Variants in FSTL4 observed in about 807,000 individuals in gnomAD.
FSTL4 encodes the protein follistatin like 4.
Under a neutral mutation model 78.2 loss-of-function variants are expected in FSTL4, and 28 were observed. The ratio of observed to expected loss-of-function variants is 0.36; its 90% CI spans 0.27 to 0.49. The LOEUF is 0.49. FSTL4 is among the 20% of genes least tolerant of loss of function. The pLI is 0.98. For missense variants in FSTL4, 922 were observed against 1,084.9 expected (o/e 0.85, Z 2.11); for synonymous variants, 422 against 440.5 (o/e 0.96, Z 0.53).
At position 133,426,284 on chromosome 5, in the gene FSTL4, G is replaced by A. The variant is rs1027336049; in HGVS notation, c.161-25298C>T. Among the ~76,000 whole-genome samples, 7 of 152,148 alleles carry A rather than the reference G, an allele frequency of 4.6e-5. No individual in the cohort carries two copies. Among genetic ancestry groups the A allele is most frequent in the East Asian group, 1.9e-4 (1 of 5,186 alleles). On this transcript the variant is annotated intron_variant, in intron 3 of 15. Coordinates refer to ENST00000265342, the MANE Select transcript of FSTL4 (RefSeq NM_015082.2). The surrounding 1 kb of genome is among the most constrained non-coding windows in gnomAD (Gnocchi z 5.0). ...AGGACACAGGGAGCAAAGGATAGCCGGGAGTCTGGGGAGGTGAGAGGGGGA... is the reference window on the plus strand; with the variant it reads ...AGGACACAGGGAGCAAAGGATAGCCAGGAGTCTGGGGAGGTGAGAGGGGGA...
the FSTL4 span, among the ~76,000 whole-genome samples, chr5:133,832,990 T>TA: frequency 2.0e-5 from 3 of 151,990 alleles, no homozygotes; most frequent in African/African-American, 4.8e-5. Context: ...TTTGAATGTT[T>TA]AAAAAAAACC....
At chr5:133,784,944 T>C in the FSTL4 span, among the ~76,000 whole-genome samples, 1 of 152,156 alleles carries the variant, frequency 6.6e-6, no homozygotes, top group Non-Finnish European at 1.5e-5. Context: ...CATCATCTAC[T>C]GAGTTATGGG....
At chr5:133,663,017 A>G in the FSTL4 span, among the ~76,000 whole-genome samples, 55,839 of 151,940 alleles carry the variant, frequency 0.37, 12,089 homozygotes, top group African/African-American at 0.6. Flanking sequence ...CAATTCCAAC[A>G]CTCTAGCATC....
rs552279262 is a variant in FSTL4 at position 133,384,208 on chromosome 5, T to C, written c.409+16530A>G. On this transcript the variant is annotated intron_variant, in intron 4 of 15. Transcript: ENST00000265342. ...AAAGGAAGGTGCAATGACCCTAGAG[T>C]GCAACACTCCATCCATCTATAGTCC... 1.7e-3 allele frequency among the ~76,000 whole-genome samples: 258 copies of C among 152,008 alleles called. 1 individual carries two copies. The highest frequency in any genetic ancestry group is 0.01 in the Middle Eastern group (3 of 294).
chr5:133,429,798 A>G (rs1319181985), intron 3 of FSTL4, among the ~76,000 whole-genome samples: 1 of 152,184 alleles, frequency 6.6e-6, no homozygotes, highest in Non-Finnish European at 1.5e-5. Flanking sequence ...TGAGGCCACC[A>G]TCCCTCAGTG....
the FSTL4 span, among the ~76,000 whole-genome samples, chr5:133,826,602 T>C: frequency 2.6e-5 from 4 of 152,212 alleles, no homozygotes; most frequent in African/African-American, 9.7e-5. Flanking sequence ...AAATCCCCCG[T>C]TGGCCTTTCT....
the FSTL4 span, among the ~76,000 whole-genome samples, chr5:133,755,395 C>T: frequency 6.6e-6 from 1 of 152,168 alleles, no homozygotes; most frequent in East Asian, 1.9e-4. Context: ...GCCCCTCCAC[C>T]TGCTATAGAC....
rs1307141701 is a variant in FSTL4 at position 133,198,531 on chromosome 5, C to T, written c.*564G>A. On this transcript the variant is annotated 3_prime_UTR_variant, in exon 16 of 16. Transcript: ENST00000265342. The stretch of plus-strand genomic sequence containing the variant: ...ATAAAGTGAGTGATTTCCCCATCCC[C>T]CAAGATGCAGTAAGTCTTGTTGGCT... The T allele has an allele frequency of 6.5e-6, 1 of 152,672 alleles. No homozygotes were observed. Among genetic ancestry groups the T allele is most frequent in the African/African-American group, 2.4e-5 (1 of 41,428 alleles). 9.5% of individuals were successfully genotyped at this position (152,672 alleles called of 1,614,324 possible).
At chr5:133,556,127 C>T (rs183842906) in intron 3 of FSTL4, among the ~76,000 whole-genome samples, 10 of 152,202 alleles carry the variant, frequency 6.6e-5, no homozygotes, top group South Asian at 6.2e-4. Flanking sequence ...TTTTTGAATA[C>T]GAATATTTCA....
Position 133,312,633 on chromosome 5 carries a change from T to A in FSTL4, c.727+21A>T, listed in dbSNP as rs767555148. The A allele has an allele frequency of 2.5e-6, 4 of 1,613,004 alleles. No individual in the cohort carries two copies. The South Asian group carries it at 4.4e-5, about 18-fold the overall frequency. On this transcript the variant is annotated intron_variant, in intron 6 of 15. Transcript: ENST00000265342. ...AAGCACCTGCAGAAATAAGCCCTTT[T>A]CCCACTGGGACCCAACTTACGGAAG... is the stretch of plus-strand genomic sequence containing the variant.
intron 2 of FSTL4, among the ~76,000 whole-genome samples, chr5:133,567,596 A>ATGGGCTAAAATTATC (rs1357149171): frequency 2.0e-5 from 3 of 152,226 alleles, no homozygotes; most frequent in Admixed American, 1.3e-4. Context: ...ACATAAGCAG[A>ATGGGCTAAAATTATC]TGGGCTAAAA....
intron 7 of FSTL4, among the ~76,000 whole-genome samples, chr5:133,245,170 C>G (rs988936866): frequency 3.3e-5 from 5 of 150,542 alleles, no homozygotes; most frequent in Non-Finnish European, 5.9e-5. Flanking sequence ...TGAACTGAAC[C>G]ACTGCCCCAT....
At chr5:133,799,542 A>G in the FSTL4 span, among the ~76,000 whole-genome samples, 1 of 138,504 alleles carries the variant, frequency 7.2e-6, no homozygotes, top group African/African-American at 2.6e-5. Flanking sequence ...CGCTAGGTAC[A>G]GGGCTCTGAG....
At chr5:133,444,189 A>G (rs1757215565) in intron 3 of FSTL4, among the ~76,000 whole-genome samples, 1 of 152,230 alleles carries the variant, frequency 6.6e-6, no homozygotes, top group African/African-American at 2.4e-5. Flanking sequence ...GAAGGAAGAA[A>G]AGAAAAATAA....
intron 4 of FSTL4, among the ~76,000 whole-genome samples, chr5:133,377,400 A>ATAAGAGAACTGGGCCATTAT: frequency 6.6e-6 from 1 of 152,250 alleles, no homozygotes; most frequent in African/African-American, 2.4e-5. Context: ...CAAACTCTGG[A>ATAAGAGAACTGGGCCATTAT]GCAGTGGCTT....
intron 8 of FSTL4, among the ~76,000 whole-genome samples, chr5:133,226,657 T>C (rs1260323663): frequency 6.6e-6 from 1 of 152,238 alleles, no homozygotes; most frequent in Non-Finnish European, 1.5e-5. Flanking sequence ...ATTTGTGAGA[T>C]GTAAACATAC....
At chr5:133,701,636 G>A in the FSTL4 span, among the ~76,000 whole-genome samples, 44 of 152,110 alleles carry the variant, frequency 2.9e-4, no homozygotes, top group African/African-American at 9.2e-4. Flanking sequence ...TAGTTCTTCC[G>A]CACACACCTT....
chr5:133,535,984 G>T (rs145352561), intron 3 of FSTL4, among the ~76,000 whole-genome samples: 419 of 152,260 alleles, frequency 2.8e-3, no homozygotes, highest in Non-Finnish European at 5.1e-3. Flanking sequence ...TAGGGACAAT[G>T]CCTTGTTCAT....
In FSTL4 at chr5:133,549,644, TGA is replaced by T. The variant is rs1759654153; in HGVS notation, c.160+17540_160+17541del. ...TGGATGGAAAACTGTCAAAATTATT[TGA>T]GGCCAATACTGAAGAAGAGTTCTTT... On this transcript the variant is annotated intron_variant, in intron 3 of 15. Coordinates refer to ENST00000265342, the MANE Select transcript of FSTL4 (RefSeq NM_015082.2). 9.2e-5 allele frequency among the ~76,000 whole-genome samples: 14 copies of T among 152,260 alleles called. No individual in the cohort carries two copies. The South Asian group carries it at 2.5e-3, about 27-fold the overall frequency.
Sources: allele counts gnomAD v4.1 joint callset (sites outside exome capture counted in the v4.1 genomes callset), GRCh38; gene constraint gnomAD v4.1.1; non-coding constraint Gnocchi (gnomAD v3.1); transcripts MANE v1.5; gene names NCBI Gene and HGNC (gene_info 2026-07-23, HGNC 2026-07-21).